RNF14: variants seen among roughly 807,000 people sequenced by gnomAD.
RNF14 encodes the protein ring finger protein 14.
A neutral mutation model predicts 52.6 loss-of-function variants in RNF14; 26 were observed. That is an observed-to-expected ratio of 0.49 (90% confidence interval 0.36 to 0.69). The LOEUF is 0.69. Ranked by LOEUF, RNF14 falls within the 30% of genes least tolerant of loss-of-function variation. The probability of loss-of-function intolerance (pLI) is 0.00; values close to 1 mark genes in which losing one functional copy is unlikely to be tolerated. For missense variants in RNF14, 404 were observed against 560.4 expected (o/e 0.72, Z 2.82); for synonymous variants, 194 against 202.0 (o/e 0.96, Z 0.34).
intron 8 of RNF14, among the ~76,000 whole-genome samples, chr5:141,986,696 T>C (rs1050144179): frequency 5.3e-5 from 8 of 152,206 alleles, no homozygotes; most frequent in Non-Finnish European, 1.2e-4. Context: ...GTGGCTGTTA[T>C]GACAGGTTGG....
intron 4 of RNF14, among the ~76,000 whole-genome samples, chr5:141,975,170 ATTG>A (rs1754135236): frequency 6.6e-6 from 1 of 152,174 alleles, no homozygotes; most frequent in South Asian, 2.1e-4. Flanking sequence ...ACAATCATGA[ATTG>A]TAGTAGGAGT....
chr5:141,978,408 T>A lies in RNF14; in HGVS notation c.412T>A (p.Leu138Met). Residue 138 changes from leucine (L) to methionine (M), a missense_variant, in exon 5 of 9, where the codon TTG becomes ATG. Physicochemically the swap from Leu to Met is conservative, Grantham distance 15. Coordinates refer to ENST00000394520, the MANE Select transcript of RNF14 (RefSeq NM_004290.5). ...QFLKEETLAY[L>M]NIVSPFELKI... ...TCTTAAGGAAGAGACCCTAGCATAC[T>A]TGAATATTGTCTCTCCTTTTGAGCT... 1 of 1,614,224 alleles carries A rather than the reference T, an allele frequency of 6.2e-7. No individual in the cohort carries two copies. The highest frequency in any genetic ancestry group is 8.5e-7 in the Non-Finnish European group (1 of 1,180,026).
chr5:141,981,434 ACT>A (rs969437907), intron 6 of RNF14, among the ~76,000 whole-genome samples: 9 of 152,094 alleles, frequency 5.9e-5, no homozygotes, highest in Non-Finnish European at 1.0e-4. Flanking sequence ...ACGTAGTGAG[ACT>A]CTGCTTCTAA....
chr5:141,950,083 G>A, the RNF14 span, among the ~76,000 whole-genome samples: 6 of 152,212 alleles, frequency 3.9e-5, no homozygotes, highest in East Asian at 1.9e-4. Context: ...CACAGTGGGT[G>A]CTGAATGAGT....
chr5:141,978,159 T>C (rs1754426552), intron 4 of RNF14, 144 bp from the exon 5 acceptor site: 1 of 464,476 alleles, frequency 2.2e-6, no homozygotes, highest in African/African-American at 7.9e-5. Context: ...CTGTTTTGTA[T>C]GTAGCACAGT....
At chr5:141,969,671 T>C (rs1218703255) in intron 1 of RNF14, 4 of 152,268 alleles carry the variant, frequency 2.6e-5, no homozygotes, top group Admixed American at 2.6e-4. Context: ...GGGTAGGTCA[T>C]GAGGAACTGT....
chr5:141,968,791 C>T (rs1342217531), upstream of RNF14: 1 of 152,310 alleles, frequency 6.6e-6, no homozygotes, highest in Non-Finnish European at 1.5e-5. Flanking sequence ...AGGAAGTAGG[C>T]TTGCTTAGTC....
intron 4 of RNF14, among the ~76,000 whole-genome samples, chr5:141,975,796 G>A (rs893667715): frequency 7.2e-5 from 11 of 151,898 alleles, no homozygotes; most frequent in Non-Finnish European, 1.3e-4. Flanking sequence ...GTGGTGGTGC[G>A]TCCCTGTAAT....
At position 141,987,879 on chromosome 5, in the gene RNF14, C is replaced by A; in HGVS notation, c.*89C>A. On this transcript the variant is annotated 3_prime_UTR_variant, in exon 9 of 9. Coordinates refer to ENST00000394520, the MANE Select transcript of RNF14 (RefSeq NM_004290.5). ...GTAACTTTGCGGGATATTTAGGGTA[C>A]TATTCATTCACTCTTCCTGCGTAGA... is the stretch of plus-strand genomic sequence containing the variant. 1.7e-6 allele frequency: 2 copies of A among 1,208,546 alleles called. No individual in the cohort carries two copies. Among genetic ancestry groups the A allele is most frequent in the Non-Finnish European group, 2.5e-6 (2 of 813,944 alleles). 74.9% of individuals were successfully genotyped at this position (1,208,546 alleles called of 1,614,324 possible).
intron 8 of RNF14, 105 bp from the exon 9 acceptor site, chr5:141,987,628 A>G: frequency 9.4e-7 from 1 of 1,062,140 alleles, no homozygotes; most frequent in Non-Finnish European, 1.5e-6. Context: ...AGAAGAAAAG[A>G]TGTACAAAGA....
chr5:141,949,636 T>A, the RNF14 span: 6 of 1,577,522 alleles, frequency 3.8e-6, no homozygotes, highest in African/African-American at 8.2e-5. Flanking sequence ...TATAGATTCA[T>A]TCATTCATGC....
chr5:141,954,960 T>C (rs1753148091), upstream of RNF14: 1 of 1,602,018 alleles, frequency 6.2e-7, no homozygotes, highest in Admixed American at 1.7e-5. Context: ...GAGCTGCCCA[T>C]GCCCCAGGTA....
chr5:141,982,572 C>CAA (rs1377626000), intron 6 of RNF14: 1 of 152,180 alleles, frequency 6.6e-6, no homozygotes, highest in African/African-American at 2.4e-5. Context: ...CAACTGTGAA[C>CAA]AAAAGCCTTT....
upstream of RNF14, among the ~76,000 whole-genome samples, chr5:141,963,523 T>C (rs150950896): frequency 1.3e-5 from 2 of 152,204 alleles, no homozygotes; most frequent in African/African-American, 4.8e-5. Context: ...GGCCTTGTTA[T>C]GTGTTCAGCA....
At chr5:141,969,956 C>T (rs1753595198) in intron 1 of RNF14, among the ~76,000 whole-genome samples, 2 of 152,162 alleles carry the variant, frequency 1.3e-5, no homozygotes, top group Admixed American at 6.5e-5. Flanking sequence ...TATACTCCCA[C>T]CTAGTAAAAT....
At chr5:141,968,418 A>G (rs943782594), upstream of RNF14, among the ~76,000 whole-genome samples, 1 of 152,118 alleles carries the variant, frequency 6.6e-6, no homozygotes, top group Non-Finnish European at 1.5e-5. Flanking sequence ...TAAGGGTTTT[A>G]TAGTTTTAGT....
At chr5:141,979,113 C>G (rs973662322) in intron 5 of RNF14, among the ~76,000 whole-genome samples, 2 of 152,134 alleles carry the variant, frequency 1.3e-5, no homozygotes, top group Non-Finnish European at 2.9e-5. Flanking sequence ...TCCCATAAAC[C>G]TTGGGGAATC....
intron 2 of RNF14, among the ~76,000 whole-genome samples, chr5:141,973,029 C>G (rs1207245680): frequency 6.6e-6 from 1 of 152,156 alleles, no homozygotes; most frequent in Admixed American, 6.5e-5. Context: ...TTTTTTTCCT[C>G]TAATTCAGTC....
chr5:141,964,097 C>T (rs1038178638), upstream of RNF14, among the ~76,000 whole-genome samples: 10 of 152,174 alleles, frequency 6.6e-5, no homozygotes, highest in African/African-American at 2.4e-4. Context: ...CAAATTTTAG[C>T]TTGCATCAAA....
Sources: gnomAD v4.1 joint callset for allele counts (sites outside exome capture counted in the v4.1 genomes callset) on GRCh38, gnomAD v4.1.1 for gene constraint, MANE v1.5 for transcripts, NCBI Gene and HGNC (gene_info 2026-07-23, HGNC 2026-07-21) for gene names.